Variants in TMEM132D observed in about 807,000 individuals in gnomAD.
The protein encoded by TMEM132D is mature OL transmembrane protein.
Under a neutral mutation model 62.3 loss-of-function variants are expected in TMEM132D, and 21 were observed. That is an observed-to-expected ratio of 0.34 (90% CI 0.24 to 0.49). The LOEUF (loss-of-function observed/expected upper bound fraction) is 0.49, where lower values mean the gene tolerates loss of function less well. Among genes scored for constraint, TMEM132D ranks in the 20% least tolerant of loss-of-function variants. The probability of loss-of-function intolerance (pLI) is 0.99; values close to 1 mark genes in which losing one functional copy is unlikely to be tolerated. For synonymous variants in TMEM132D, 621 were observed against 575.6 expected, an observed-to-expected ratio of 1.08 and a Z score of -1.13; for missense variants, 1,346 against 1,402.8, an observed-to-expected ratio of 0.96 and a Z score of 0.65.
chr12:129,382,866 C>G (rs1412885701), intron 3 of TMEM132D, among the ~76,000 whole-genome samples: 2 of 152,096 alleles, frequency 1.3e-5, no homozygotes, highest in South Asian at 2.1e-4. Context: ...TGTTGCGGTC[C>G]GTGTTTCCGC....
intron 3 of TMEM132D, among the ~76,000 whole-genome samples, chr12:129,415,807 A>T (rs532279216): frequency 6.6e-6 from 1 of 152,332 alleles, no homozygotes; most frequent in South Asian, 2.1e-4. Flanking sequence ...TGCATTGATC[A>T]GACTGGCATG....
chr12:129,718,128 C>T lies in TMEM132D; in HGVS notation c.80-17430G>A, dbSNP rs191676886. Among the ~76,000 whole-genome samples the T allele has an allele frequency of 1.6e-4, 24 of 152,334 alleles. No individual in the cohort carries two copies. In the East Asian group the frequency reaches 2.5e-3, roughly 16 times the overall value. On this transcript the variant is annotated intron_variant, in intron 1 of 8. Transcript: ENST00000422113. ...CTGCCAAGGACAAGTCCAGTGAAAA[C>T]GAAGTCTTCTTTCCCTTAAAGAGAT...
chr12:129,844,787 C>T (rs920622736), intron 1 of TMEM132D, among the ~76,000 whole-genome samples: 4 of 152,266 alleles, frequency 2.6e-5, no homozygotes, highest in Middle Eastern at 3.4e-3. Flanking sequence ...AATCACAGTC[C>T]TTAATGAACT....
chr12:129,659,267 GGC>G (rs1880174503), intron 2 of TMEM132D, among the ~76,000 whole-genome samples: 1 of 152,068 alleles, frequency 6.6e-6, no homozygotes, highest in Non-Finnish European at 1.5e-5. Flanking sequence ...AAAAATCGAT[GGC>G]TGTTTTAAAT....
chr12:129,711,484 G>A (rs1023076635), intron 1 of TMEM132D, among the ~76,000 whole-genome samples: 1 of 152,168 alleles, frequency 6.6e-6, no homozygotes, highest in African/African-American at 2.4e-5. Context: ...CCAGCACTTT[G>A]GGAGGCCATG....
intron 4 of TMEM132D, among the ~76,000 whole-genome samples, chr12:129,295,483 T>C (rs1170560814): frequency 1.4e-5 from 2 of 144,994 alleles, no homozygotes; most frequent in African/African-American, 5.1e-5. Flanking sequence ...CAGGCTGGAG[T>C]GCAGTGGCGT....
chr12:129,209,126 A>C (rs1038678513), intron 5 of TMEM132D, among the ~76,000 whole-genome samples: 1 of 152,150 alleles, frequency 6.6e-6, no homozygotes, highest in Non-Finnish European at 1.5e-5. Flanking sequence ...CTATAGAATC[A>C]TCCCGGAGTG....
At chr12:129,459,043 T>A (rs1405805451) in intron 3 of TMEM132D, among the ~76,000 whole-genome samples, 1 of 152,176 alleles carries the variant, frequency 6.6e-6, no homozygotes, top group African/African-American at 2.4e-5. Flanking sequence ...AATAAGCACA[T>A]CAGGGCTCTG....
intron 2 of TMEM132D, among the ~76,000 whole-genome samples, chr12:129,628,467 G>T (rs779701308): frequency 6.6e-6 from 1 of 152,170 alleles, no homozygotes; most frequent in Non-Finnish European, 1.5e-5. Flanking sequence ...GTACCCTGCT[G>T]ACCATTAGGC....
chr12:129,356,952 G>GA (rs369555377), intron 3 of TMEM132D, among the ~76,000 whole-genome samples: 1 of 136,582 alleles, frequency 7.3e-6, no homozygotes, highest in Admixed American at 7.3e-5. Flanking sequence ...GAGGGGAGGG[G>GA]AGGGGAGGGC....
At chr12:129,140,788 G>A (rs540933583) in intron 5 of TMEM132D, among the ~76,000 whole-genome samples, 5 of 151,016 alleles carry the variant, frequency 3.3e-5, no homozygotes, top group Admixed American at 1.3e-4. Context: ...GCTGTGAGCC[G>A]AGATTGTGCC....
chr12:129,110,365 T>C (rs1185276685), intron 5 of TMEM132D: 1 of 152,136 alleles, frequency 6.6e-6, no homozygotes, highest in Non-Finnish European at 1.5e-5. Flanking sequence ...ATTGAGAAAG[T>C]TCCCTGTTAG....
rs1176143502 is a variant in TMEM132D at position 129,074,695 on chromosome 12, G to A, written c.2480C>T (p.Pro827Leu). The A allele has an allele frequency of 1.2e-6, 2 of 1,613,948 alleles. No individual in the cohort carries two copies. Among genetic ancestry groups the A allele is most frequent in the South Asian group, 1.1e-5 (1 of 91,066 alleles). The change falls in exon 9 of 9, where the codon CCC (proline) becomes CTC (leucine). Residue 827 changes from proline to leucine, a missense_variant. Pro to Leu is a moderately conservative substitution (Grantham distance 98). Transcript: ENST00000422113. ...CCCCCATTCCTGCGAGGGTTTTTTG[G>A]GCCTTCTGTCACTGACATTGTTTTC... is the stretch of plus-strand genomic sequence containing the variant. The part of the protein sequence containing the change: ...HMENNVSDRR[P>L]KKPSQEWGSQ...
chr12:129,598,222 T>C (rs1485644726), intron 2 of TMEM132D, among the ~76,000 whole-genome samples: 1 of 152,234 alleles, frequency 6.6e-6, no homozygotes, highest in East Asian at 1.9e-4. Flanking sequence ...AGGCATCCTA[T>C]AAAATGCTCC....
chr12:129,738,338 G>A (rs1391077546), intron 1 of TMEM132D, among the ~76,000 whole-genome samples: 2 of 151,664 alleles, frequency 1.3e-5, no homozygotes, highest in Non-Finnish European at 2.9e-5. Context: ...CAGAGAAGAA[G>A]GACGAAAGAA....
At chr12:129,468,116 A>T (rs1873971405) in intron 3 of TMEM132D, among the ~76,000 whole-genome samples, 1 of 152,138 alleles carries the variant, frequency 6.6e-6, no homozygotes, top group Non-Finnish European at 1.5e-5. Flanking sequence ...TCTGCATCTG[A>T]GGCTGGCATT....
intron 2 of TMEM132D, among the ~76,000 whole-genome samples, chr12:129,660,749 G>A (rs1880217371): frequency 6.6e-6 from 1 of 152,064 alleles, no homozygotes; most frequent in Non-Finnish European, 1.5e-5. Context: ...TGTCTTGTGG[G>A]GCTAGGTGTG....
At chr12:129,883,999 G>A (rs1455824092) in intron 1 of TMEM132D, among the ~76,000 whole-genome samples, 3 of 152,216 alleles carry the variant, frequency 2.0e-5, no homozygotes, top group African/African-American at 4.8e-5. Context: ...TGGCTCAATC[G>A]TAGCTCACTG....
intron 4 of TMEM132D, among the ~76,000 whole-genome samples, chr12:129,242,724 C>T (rs1879968152): frequency 6.8e-6 from 1 of 147,200 alleles, no homozygotes; most frequent in Admixed American, 6.8e-5. Context: ...TCTCTTCCTT[C>T]AATTTTTCTT....
Sources: gnomAD v4.1 joint callset for allele counts (sites outside exome capture counted in the v4.1 genomes callset) on GRCh38, gnomAD v4.1.1 for gene constraint, MANE v1.5 for transcripts, NCBI Gene and HGNC (gene_info 2026-07-23, HGNC 2026-07-21) for gene names.